The following ELMO2 variants were observed in gnomAD, a reference collection of about 807,000 sequenced individuals.
ELMO2 encodes the protein engulfment and cell motility 2.
ELMO2 carries 37 observed loss-of-function variants against 96.2 expected under a neutral mutation model. The observed-to-expected ratio is 0.38, with a 90% CI of 0.30 to 0.51. The LOEUF is 0.51. ELMO2 is among the 20% of genes least tolerant of loss of function. The pLI is 0.88. For missense variants in ELMO2, 561 were observed against 912.6 expected, an observed-to-expected ratio of 0.61 and a Z score of 4.96; for synonymous variants, 315 against 329.4, an observed-to-expected ratio of 0.96 and a Z score of 0.47.
Position 46,375,627 on chromosome 20 carries a change from AC to A in ELMO2, c.930+40del. On this transcript the variant is annotated intron_variant, in intron 12 of 21. Transcript: ENST00000290246. The surrounding 1 kb of genome is among the most constrained non-coding windows in gnomAD (Gnocchi z 4.6). The stretch of plus-strand genomic sequence containing the variant: ...GGCACATAGACTAAGGCTGGACTGC[AC>A]CACAGCCATGAGAAAACAGCTGCCC... The A allele has an allele frequency of 6.2e-7, 1 of 1,613,528 alleles. No individual in the cohort carries two copies. The highest frequency in any genetic ancestry group is 1.1e-5 in the South Asian group (1 of 91,018).
chr20:46,399,518 G>A (rs1355566308), intron 1 of ELMO2, among the ~76,000 whole-genome samples: 1 of 152,078 alleles, frequency 6.6e-6, no homozygotes, highest in African/African-American at 2.4e-5. Flanking sequence ...ACTTTCCCTG[G>A]CAAAAGTAAA....
At chr20:46,397,637 C>T (rs1364536736) in intron 2 of ELMO2, among the ~76,000 whole-genome samples, 1 of 152,186 alleles carries the variant, frequency 6.6e-6, no homozygotes, top group Admixed American at 6.5e-5. Flanking sequence ...CACCATTACG[C>T]TCCAGCCTGG....
Position 46,404,208 on chromosome 20 carries a change from C to T in ELMO2, c.-126+2340G>A, listed in dbSNP as rs182019275. On this transcript the variant is annotated intron_variant, in intron 1 of 21. Transcript: ENST00000290246. The stretch of plus-strand genomic sequence containing the variant: ...GGACCAGACTTAGTCCAGGCTGGGC[C>T]GAGGTATGGTGACCAGGTCAAAGGA... Among the ~76,000 whole-genome samples, 32 of 152,224 alleles carry T rather than the reference C, an allele frequency of 2.1e-4. No individual in the cohort carries two copies. In the East Asian group the frequency reaches 5.8e-3, roughly 28 times the overall value.
intron 7 of ELMO2, among the ~76,000 whole-genome samples, chr20:46,388,563 T>A (rs2060090483): frequency 6.6e-6 from 1 of 151,792 alleles, no homozygotes; most frequent in Non-Finnish European, 1.5e-5. Context: ...AATGGGTAGG[T>A]TGACACCTGT....
At chr20:46,395,152 C>T (rs1004889641) in intron 2 of ELMO2, among the ~76,000 whole-genome samples, 40 of 152,290 alleles carry the variant, frequency 2.6e-4, no homozygotes, top group Admixed American at 2.1e-3. Context: ...GGGCGGCTGA[C>T]AACTCAAGTG....
chr20:46,393,494 A>C, intron 5 of ELMO2, 35 bp downstream of exon 5: 1 of 1,606,142 alleles, frequency 6.2e-7, no homozygotes, highest in Non-Finnish European at 8.5e-7. Flanking sequence ...ATTCCAAGCA[A>C]GGCCCATATT....
chr20:46,370,537 T>C lies in ELMO2; in HGVS notation c.1802-12A>G. 1 of 1,613,062 alleles carries C rather than the reference T, an allele frequency of 6.2e-7. No homozygotes were observed. The highest frequency in any genetic ancestry group is 2.2e-5 in the East Asian group (1 of 44,872). ...GTCTGCAACAGGAACTGATAAATGA[T>C]GGGAATTAGTCTCTGGAAGTTCATG... On this transcript the variant is annotated splice_polypyrimidine_tract_variant and intron_variant, in intron 19 of 21. Coordinates refer to ENST00000290246, the MANE Select transcript of ELMO2 (RefSeq NM_133171.5).
At chr20:46,392,981 A>G in intron 6 of ELMO2, 112 bp downstream of exon 6, 1 of 948,456 alleles carries the variant, frequency 1.1e-6, no homozygotes, top group South Asian at 1.5e-5. Context: ...ATACAAAAAG[A>G]CTGACTTTCT....
chr20:46,385,506 T>TATTCTAGAG, intron 9 of ELMO2, among the ~76,000 whole-genome samples: 1 of 152,348 alleles, frequency 6.6e-6, no homozygotes, highest in African/African-American at 2.4e-5. Context: ...GTGATTAACC[T>TATTCTAGAG]ATTCTAGAGA....
chr20:46,383,666 G>A (rs2059994848), intron 9 of ELMO2, among the ~76,000 whole-genome samples, 172 bp from the exon 10 acceptor site: 1 of 152,168 alleles, frequency 6.6e-6, no homozygotes, highest in Non-Finnish European at 1.5e-5. Flanking sequence ...TTCACTAATA[G>A]GAATTTATCC....
Position 46,374,438 on chromosome 20 carries a change from A to C in ELMO2, c.1173T>G (p.Ile391Met). The change falls in exon 15 of 22, where the codon ATT becomes ATG. Residue 391 changes from isoleucine (I) to methionine (M), a missense_variant and splice_region_variant. Coordinates refer to ENST00000290246, the MANE Select transcript of ELMO2 (RefSeq NM_133171.5). ...CTTCCCGGCTACTGTTCTCCAAGAC[A>C]ATCTGTCGGGGGAAGAGAAAGGGAG... ...AKVHQDTYIRIVLENSSREDK... is the reference protein window; with the variant it reads ...AKVHQDTYIRMVLENSSREDK... 1.2e-6 allele frequency: 2 copies of C among 1,614,054 alleles called. No individual in the cohort carries two copies. Among genetic ancestry groups the C allele is most frequent in the Non-Finnish European group, 1.7e-6 (2 of 1,179,964 alleles).
chr20:46,380,209 T>C (rs541928626), intron 11 of ELMO2, 44 bp downstream of exon 11: 48 of 1,475,486 alleles, frequency 3.3e-5, no homozygotes, highest in Admixed American at 2.4e-4. Context: ...ACAGTAATAA[T>C]TGTTGTTAAT....
chr20:46,383,212 C>T (rs1259567356), intron 10 of ELMO2, among the ~76,000 whole-genome samples: 5 of 152,246 alleles, frequency 3.3e-5, no homozygotes, highest in Admixed American at 1.3e-4. Flanking sequence ...CTGCTCTCAT[C>T]TAAGACCCAG....
At chr20:46,394,129 T>A in intron 3 of ELMO2, 40 bp from the exon 4 acceptor site, 1 of 1,563,422 alleles carries the variant, frequency 6.4e-7, no homozygotes, top group African/African-American at 1.4e-5. Context: ...AGCAGCAACA[T>A]CCTACTCATG....
intron 16 of ELMO2, 131 bp from the exon 17 acceptor site, chr20:46,372,100 G>T: frequency 9.3e-7 from 1 of 1,073,200 alleles, no homozygotes. Context: ...TCTGCTGGGT[G>T]AGTAAGGTAT....
In ELMO2 at chr20:46,394,527, G is replaced by A. The variant is rs1420294218; in HGVS notation, c.-45C>T. On this transcript the variant is annotated 5_prime_UTR_variant, in exon 3 of 22. Transcript: ENST00000290246. ...TTCTGCGAGACAAAAACACAGACAC[G>A]GCTGCCTGGGGAGAAAGAATCAGAA... is the stretch of plus-strand genomic sequence containing the variant. 8.9e-6 allele frequency: 14 copies of A among 1,581,164 alleles called. No individual in the cohort carries two copies. The highest frequency in any genetic ancestry group is 4.0e-5 in the African/African-American group (3 of 74,240).
intron 6 of ELMO2, 38 bp downstream of exon 6, chr20:46,393,055 T>G (rs1181292779): frequency 6.3e-7 from 1 of 1,590,332 alleles, no homozygotes; most frequent in African/African-American, 1.3e-5. Flanking sequence ...TATTTGTTTG[T>G]GACATGAATA....
chr20:46,366,182 C>T lies in ELMO2; in HGVS notation c.*1178G>A, dbSNP rs2059582791. 6.6e-6 allele frequency: 1 copy of T among 152,628 alleles called. No individual in the cohort carries two copies. Among genetic ancestry groups the T allele is most frequent in the Non-Finnish European group, 1.5e-5 (1 of 68,030 alleles). 9.5% of individuals were successfully genotyped at this position (152,628 alleles called of 1,614,324 possible). ...ACTTCCCCTCAATTTTATTTTTCCCCAAGGTTCCATCCTAAGATAGGTAGA... is the reference window on the plus strand; with the variant it reads ...ACTTCCCCTCAATTTTATTTTTCCCTAAGGTTCCATCCTAAGATAGGTAGA... On this transcript the variant is annotated 3_prime_UTR_variant, in exon 22 of 22. Coordinates refer to ENST00000290246, the MANE Select transcript of ELMO2 (RefSeq NM_133171.5).
Position 46,370,497 on chromosome 20 carries a change from G to A in ELMO2, c.1830C>T (p.Val610=), listed in dbSNP as rs1276292476. Residue 610 remains valine, a synonymous_variant, in exon 20 of 22, where the codon GTC becomes GTT. Coordinates refer to ENST00000290246, the MANE Select transcript of ELMO2 (RefSeq NM_133171.5). ...KIPVADIKAI[V]TGKDCPHMKE... ...TCATGTGGGGACAATCTTTCCCAGT[G>A]ACAATGGCCTTAATGTCTGCAACAG... 6.2e-7 allele frequency: 1 copy of A among 1,614,050 alleles called. No homozygotes were observed. Among genetic ancestry groups the A allele is most frequent in the African/African-American group, 1.3e-5 (1 of 74,912 alleles).
Sources: allele counts gnomAD v4.1 joint callset (sites outside exome capture counted in the v4.1 genomes callset), GRCh38; gene constraint gnomAD v4.1.1; non-coding constraint Gnocchi (gnomAD v3.1); transcripts MANE v1.5; gene names NCBI Gene and HGNC (gene_info 2026-07-23, HGNC 2026-07-21).